Variants in ANKRD27 observed in about 807,000 individuals in gnomAD.
ANKRD27 encodes the protein ankyrin repeat domain-containing protein 27.
Under a neutral mutation model 129.7 loss-of-function variants are expected in ANKRD27, and 112 were observed. The ratio of observed to expected loss-of-function variants is 0.86; its 90% CI spans 0.74 to 1.01. The LOEUF is 1.01. Ranked by LOEUF, ANKRD27 falls within the 50% of genes least tolerant of loss-of-function variation. The probability of loss-of-function intolerance (pLI) is 0.00; values close to 1 mark genes in which losing one functional copy is unlikely to be tolerated. For synonymous variants in ANKRD27, 516 were observed against 511.2 expected, an observed-to-expected ratio of 1.01 and a Z score of -0.13; for missense variants, 1,258 against 1,300.5, an observed-to-expected ratio of 0.97 and a Z score of 0.50.
chr19:32,609,675 G>T (rs80010642), intron 22 of ANKRD27, among the ~76,000 whole-genome samples: 7,447 of 140,684 alleles, frequency 0.053, 351 homozygotes, highest in East Asian at 0.19. Flanking sequence ...GGTCATAGTG[G>T]GGGGGAAGGC....
chr19:32,629,919 T>G (rs1176969367), intron 13 of ANKRD27, among the ~76,000 whole-genome samples: 1 of 149,826 alleles, frequency 6.7e-6, no homozygotes, highest in Non-Finnish European at 1.5e-5. Flanking sequence ...TTTATTTTTT[T>G]AGAAACAAGG....
chr19:32,661,364 GC>G (rs957792441), intron 1 of ANKRD27, among the ~76,000 whole-genome samples: 1 of 151,834 alleles, frequency 6.6e-6, no homozygotes, highest in Non-Finnish European at 1.5e-5. Flanking sequence ...TCACACTGTC[GC>G]CCAGGCTAGA....
chr19:32,613,498 C>T (rs559264722), intron 22 of ANKRD27, among the ~76,000 whole-genome samples: 13 of 152,224 alleles, frequency 8.5e-5, no homozygotes, highest in Middle Eastern at 3.4e-3. Context: ...AATGTTTGTT[C>T]GTGGCAGTTT....
At position 32,628,732 on chromosome 19, in the gene ANKRD27, G is replaced by T. The variant is rs779602867; in HGVS notation, c.1327C>A (p.Leu443Ile). The change falls in exon 14 of 29, where the codon CTC becomes ATC. Residue 443 changes from leucine (L) to isoleucine (I), a missense_variant. By Grantham distance (5) the Leu-to-Ile change is conservative. Coordinates refer to ENST00000306065, the MANE Select transcript of ANKRD27 (RefSeq NM_032139.3). The stretch of plus-strand genomic sequence containing the variant: ...CCAGCACCCTCTTACCCAGAGACGA[G>T]TTTCTCACAGTCATCGCAGAAGCAG... The part of the protein sequence containing the change: ...PLCFCDDCEK[L>I]VSGRLNDPSV... The T allele has an allele frequency of 3.1e-6, 5 of 1,613,886 alleles. No homozygotes were observed. In the African/African-American group the frequency reaches 6.7e-5, roughly 22 times the overall value.
At chr19:32,641,491 A>C (rs1427922554) in intron 10 of ANKRD27, among the ~76,000 whole-genome samples, 1 of 152,146 alleles carries the variant, frequency 6.6e-6, no homozygotes, top group African/African-American at 2.4e-5. Flanking sequence ...AATACAAAAG[A>C]GCAAACTGTG....
At chr19:32,642,379 A>C (rs1015364592) in intron 9 of ANKRD27, among the ~76,000 whole-genome samples, 1 of 152,018 alleles carries the variant, frequency 6.6e-6, no homozygotes, top group Non-Finnish European at 1.5e-5. Context: ...AAAAAAAAAA[A>C]TCCTATTCCT....
At chr19:32,599,880 G>A in intron 27 of ANKRD27, 92 bp downstream of exon 27, 2 of 1,510,180 alleles carry the variant, frequency 1.3e-6, no homozygotes, top group Admixed American at 1.8e-5. Context: ...GTGCAGATTT[G>A]TCCATAACCA....
chr19:32,647,307 G>A (rs1568413956), intron 3 of ANKRD27, among the ~76,000 whole-genome samples: 1 of 152,230 alleles, frequency 6.6e-6, no homozygotes, highest in Non-Finnish European at 1.5e-5. Flanking sequence ...ACACGTTTCT[G>A]ATAGGAATGC....
At chr19:32,664,407 G>A (rs1319385556) in intron 1 of ANKRD27, among the ~76,000 whole-genome samples, 1 of 151,800 alleles carries the variant, frequency 6.6e-6, no homozygotes, top group Admixed American at 6.6e-5. Flanking sequence ...TGGATCACCT[G>A]AGGTCAGGAG....
intron 1 of ANKRD27, among the ~76,000 whole-genome samples, chr19:32,663,863 C>T (rs578174812): frequency 0.022 from 3,366 of 151,356 alleles, 89 homozygotes; most frequent in Non-Finnish European, 0.035. Context: ...GAGACCATCC[C>T]GGCTAAAACG....
intron 25 of ANKRD27, among the ~76,000 whole-genome samples, 165 bp from the exon 26 acceptor site, chr19:32,602,291 C>A (rs1465428076): frequency 1.3e-5 from 2 of 151,848 alleles, no homozygotes; most frequent in African/African-American, 4.8e-5. Flanking sequence ...TAAAAGCAGG[C>A]CTGCATGGGG....
rs1966990111 is a variant in ANKRD27 at position 32,631,441 on chromosome 19, G to A, written c.1170C>T (p.Leu390=). 6.2e-7 allele frequency: 1 copy of A among 1,614,030 alleles called. No individual in the cohort carries two copies. Among genetic ancestry groups the A allele is most frequent in the African/African-American group, 1.3e-5 (1 of 74,900 alleles). The stretch of plus-strand genomic sequence containing the variant: ...CGGTGGGAGACGAAGTCATCTGAGA[G>A]AGTAAGCTCATTCTCTGCTTAAGGA... ...RLFLKQRMSL[L]SQMTSSPTDC... Residue 390 remains leucine (L), a synonymous_variant, in exon 13 of 29, where the codon CTC becomes CTT. Coordinates refer to ENST00000306065, the MANE Select transcript of ANKRD27 (RefSeq NM_032139.3).
intron 11 of ANKRD27, 77 bp downstream of exon 11, chr19:32,640,230 T>G: frequency 8.3e-7 from 1 of 1,206,514 alleles, no homozygotes; most frequent in Non-Finnish European, 1.2e-6. Flanking sequence ...CCCAAAGTGC[T>G]GGGATTACAG....
intron 9 of ANKRD27, among the ~76,000 whole-genome samples, chr19:32,642,575 T>C (rs532291611): frequency 6.6e-6 from 1 of 152,066 alleles, no homozygotes; most frequent in East Asian, 1.9e-4. Flanking sequence ...CCATCTCTTC[T>C]AAAAATACAA....
intron 16 of ANKRD27, among the ~76,000 whole-genome samples, chr19:32,626,499 G>A (rs1333259317): frequency 2.0e-5 from 3 of 146,696 alleles, no homozygotes; most frequent in African/African-American, 8.0e-5. Flanking sequence ...TAAACCTAAC[G>A]ATCTTGTCCA....
chr19:32,673,516 A>G, intron 1 of ANKRD27: 1 of 938,714 alleles, frequency 1.1e-6, no homozygotes, highest in Non-Finnish European at 1.3e-6. Context: ...GACCTGGCAC[A>G]TCTGGCCTCT....
chr19:32,613,478 C>T (rs537837267), intron 22 of ANKRD27, among the ~76,000 whole-genome samples: 16 of 152,284 alleles, frequency 1.1e-4, no homozygotes, highest in East Asian at 9.6e-4. Context: ...CTTACCGAAA[C>T]GTCTACTCTA....
chr19:32,623,475 C>A (rs1972043974), intron 17 of ANKRD27, among the ~76,000 whole-genome samples: 1 of 151,974 alleles, frequency 6.6e-6, no homozygotes, highest in African/African-American at 2.4e-5. Flanking sequence ...GTGGACCACA[C>A]TTCCTGTGTG....
At chr19:32,619,137 G>A (rs1031190148) in intron 20 of ANKRD27, 123 bp downstream of exon 20, 7 of 1,307,712 alleles carry the variant, frequency 5.4e-6, no homozygotes, top group African/African-American at 3.0e-5. Context: ...GAGCAGCAGC[G>A]GCCTCAGCAT....
Sources: gnomAD v4.1 joint callset for allele counts (sites outside exome capture counted in the v4.1 genomes callset) on GRCh38, gnomAD v4.1.1 for gene constraint, MANE v1.5 for transcripts, NCBI Gene and HGNC (gene_info 2026-07-23, HGNC 2026-07-21) for gene names.